The following RBFOX1 variants were observed in gnomAD, a reference collection of about 807,000 sequenced individuals.
The protein encoded by RBFOX1 is RNA binding fox-1 homolog 1.
In RBFOX1, 8 loss-of-function variants were observed where a neutral mutation model predicts 57.7. The ratio of observed to expected loss-of-function variants is 0.14; its 90% confidence interval spans 0.08 to 0.25. RBFOX1 has a LOEUF of 0.25. Ranked by LOEUF, RBFOX1 falls within the 10% of genes least tolerant of loss-of-function variation. The pLI is 1.00. For missense variants in RBFOX1, 611 were observed against 548.5 expected, an observed-to-expected ratio of 1.11 and a Z score of -1.14; for synonymous variants, 326 against 222.4, an observed-to-expected ratio of 1.47 and a Z score of -4.15.
intron 2 of RBFOX1, among the ~76,000 whole-genome samples, chr16:5,487,485 C>G (rs888151262): frequency 1.3e-5 from 2 of 152,148 alleles, no homozygotes; most frequent in African/African-American, 4.8e-5. Context: ...AGGGTGAGGA[C>G]TTGGGTTCTT....
chr16:5,737,751 C>A (rs2052630783), intron 3 of RBFOX1, among the ~76,000 whole-genome samples: 1 of 152,082 alleles, frequency 6.6e-6, no homozygotes, highest in African/African-American at 2.4e-5. Context: ...TAACTAAAAA[C>A]CCTGACTTGT....
At chr16:7,083,994 C>A (rs1362892316) in intron 4 of RBFOX1, among the ~76,000 whole-genome samples, 4 of 152,084 alleles carry the variant, frequency 2.6e-5, no homozygotes, top group Admixed American at 6.5e-5. Context: ...AGTCTTGATA[C>A]CCTGTGACCT....
chr16:5,254,044 CTG>C lies in RBFOX1; in HGVS notation c.219+13942_219+13943del, dbSNP rs375553993. ...TGTGTGTCATCCTTCCCCTTCAAGA[CTG>C]TGGTCACTGTGAGGGCCAGGTCCAT... is the stretch of plus-strand genomic sequence containing the variant. On this transcript the variant is annotated intron_variant, in intron 1 of 2. Coordinates refer to the RBFOX1 transcript ENST00000585867. Among the ~76,000 whole-genome samples the C allele has an allele frequency of 2.4e-4, 36 of 152,356 alleles. No individual in the cohort carries two copies. The South Asian group carries it at 7.2e-3, about 31-fold the overall frequency.
At chr16:5,747,924 A>G (rs1377495403) in intron 3 of RBFOX1, among the ~76,000 whole-genome samples, 1 of 151,896 alleles carries the variant, frequency 6.6e-6, no homozygotes, top group Non-Finnish European at 1.5e-5. Flanking sequence ...TAGCTTTTGA[A>G]TGTGTTTGCT....
intron 4 of RBFOX1, among the ~76,000 whole-genome samples, chr16:7,149,233 C>T (rs1038546197): frequency 6.6e-6 from 1 of 152,042 alleles, no homozygotes; most frequent in Non-Finnish European, 1.5e-5. Flanking sequence ...CTTCCTGGTG[C>T]TGTTTTGATC....
At chr16:5,792,111 T>C (rs2054722327) in intron 3 of RBFOX1, among the ~76,000 whole-genome samples, 1 of 152,184 alleles carries the variant, frequency 6.6e-6, no homozygotes, top group Non-Finnish European at 1.5e-5. Flanking sequence ...GAGCTAGTTA[T>C]CGTGGATAAG....
chr16:7,669,867 G>A (rs1043047668), intron 13 of RBFOX1, among the ~76,000 whole-genome samples: 7 of 152,028 alleles, frequency 4.6e-5, no homozygotes, highest in East Asian at 1.9e-4. Context: ...TTGACTTGCC[G>A]TCCGCAGTCA....
chr16:6,931,344 C>CGTCT (rs1168215526), intron 3 of RBFOX1, among the ~76,000 whole-genome samples: 19 of 115,738 alleles, frequency 1.6e-4, no homozygotes, highest in Non-Finnish European at 2.4e-4. Flanking sequence ...TATCTCTACA[C>CGTCT]ACACACACAC....
chr16:6,937,404 T>C (rs1033449584), intron 3 of RBFOX1, among the ~76,000 whole-genome samples: 13 of 152,212 alleles, frequency 8.5e-5, no homozygotes, highest in East Asian at 1.9e-4. Flanking sequence ...ATGTAGACTT[T>C]TTTTTTATAG....
At chr16:6,805,536 T>C (rs955975804) in intron 3 of RBFOX1, among the ~76,000 whole-genome samples, 6 of 151,932 alleles carry the variant, frequency 3.9e-5, no homozygotes, top group Non-Finnish European at 7.4e-5. Flanking sequence ...GAGCCTAAAA[T>C]AAAAGTTAAA....
intron 2 of RBFOX1, among the ~76,000 whole-genome samples, chr16:6,500,891 T>TGTTTG (rs1567459693): frequency 1.5e-4 from 3 of 20,530 alleles, no homozygotes; most frequent in Non-Finnish European, 7.4e-4. Flanking sequence ...TTTTTTTTTT[T>TGTTTG]TTTTTTTTTT....
chr16:5,638,926 T>C (rs1248226874), intron 3 of RBFOX1, among the ~76,000 whole-genome samples: 1 of 152,214 alleles, frequency 6.6e-6, no homozygotes, highest in East Asian at 1.9e-4. Flanking sequence ...CCAACTCAAA[T>C]GTCCCCTGCT....
intron 1 of RBFOX1, among the ~76,000 whole-genome samples, chr16:5,458,160 A>G (rs1473638918): frequency 6.6e-6 from 1 of 152,224 alleles, no homozygotes; most frequent in Non-Finnish European, 1.5e-5. Context: ...TTAAATATTA[A>G]TGTTGCATTA....
At chr16:5,515,388 C>G (rs775005842) in intron 2 of RBFOX1, among the ~76,000 whole-genome samples, 3 of 152,310 alleles carry the variant, frequency 2.0e-5, no homozygotes, top group South Asian at 2.1e-4. Context: ...AGGAAAGGAA[C>G]CCAGCTTGGA....
chr16:7,670,841 C>T (rs1303949037), intron 13 of RBFOX1, among the ~76,000 whole-genome samples: 1 of 152,130 alleles, frequency 6.6e-6, no homozygotes, highest in Admixed American at 6.5e-5. Context: ...TAATCTTGAC[C>T]ATGAATGACT....
At chr16:6,661,352 G>A (rs543741222) in intron 3 of RBFOX1, among the ~76,000 whole-genome samples, 16 of 152,282 alleles carry the variant, frequency 1.1e-4, no homozygotes, top group African/African-American at 3.1e-4. Flanking sequence ...AGGACAAGAC[G>A]GTGTAGAGAA....
chr16:5,360,133 G>A (rs2065503132), intron 1 of RBFOX1, among the ~76,000 whole-genome samples: 1 of 152,214 alleles, frequency 6.6e-6, no homozygotes, highest in South Asian at 2.1e-4. Flanking sequence ...AGTTCTGGAT[G>A]TTGCTCCATA....
chr16:6,528,151 C>G (rs1347413509), intron 2 of RBFOX1, among the ~76,000 whole-genome samples: 1 of 152,128 alleles, frequency 6.6e-6, no homozygotes, highest in East Asian at 1.9e-4. Context: ...AACCTTGATT[C>G]TGTTATCTTT....
intron 2 of RBFOX1, among the ~76,000 whole-genome samples, chr16:6,540,611 C>CAA (rs140566519): frequency 1.9e-4 from 13 of 67,626 alleles, no homozygotes; most frequent in African/African-American, 4.5e-4. Flanking sequence ...GACTCTGTCT[C>CAA]AAAAAAAAAA....
Sources: gnomAD v4.1 joint callset for allele counts (sites outside exome capture counted in the v4.1 genomes callset) on GRCh38, gnomAD v4.1.1 for gene constraint, MANE v1.5 for transcripts, NCBI Gene and HGNC (gene_info 2026-07-23, HGNC 2026-07-21) for gene names.